EFHC1: variants seen among roughly 807,000 people sequenced by gnomAD.
The protein encoded by EFHC1 is EF-hand domain containing 1, also known as EF-hand domain-containing protein 1.
A neutral mutation model predicts 69.9 loss-of-function variants in EFHC1; 53 were observed. That is an observed-to-expected ratio of 0.76 (90% CI 0.61 to 0.95). The LOEUF (loss-of-function observed/expected upper bound fraction) is 0.95, where lower values mean the gene tolerates loss of function less well. Ranked by LOEUF, EFHC1 falls within the 40% of genes least tolerant of loss-of-function variation. The pLI is 0.00. For missense variants in EFHC1, 739 were observed against 798.7 expected (o/e 0.93, Z 0.90); for synonymous variants, 256 against 278.4 (o/e 0.92, Z 0.80).
At chr6:52,448,831 A>G (rs969863668) in intron 3 of EFHC1, among the ~76,000 whole-genome samples, 2 of 152,164 alleles carry the variant, frequency 1.3e-5, no homozygotes, top group Non-Finnish European at 2.9e-5. Flanking sequence ...TGATTTGTGT[A>G]TGTTGAACCA....
At chr6:52,440,526 A>G (rs982388700) in intron 3 of EFHC1, among the ~76,000 whole-genome samples, 6 of 152,070 alleles carry the variant, frequency 3.9e-5, no homozygotes, top group African/African-American at 1.4e-4. Flanking sequence ...TTCTTTTTCC[A>G]GTTTACCATT....
At chr6:52,426,400 G>A (rs1764301706) in intron 2 of EFHC1, among the ~76,000 whole-genome samples, 1 of 151,978 alleles carries the variant, frequency 6.6e-6, no homozygotes. Context: ...TTCTTTCTAT[G>A]TGGTTGCTTA....
At chr6:52,482,052 T>G (rs936498204) in intron 9 of EFHC1, 2 of 152,090 alleles carry the variant, frequency 1.3e-5, no homozygotes, top group Non-Finnish European at 2.9e-5. Context: ...CTTTAAAAAT[T>G]TTTGTCACTG....
intron 3 of EFHC1, among the ~76,000 whole-genome samples, chr6:52,450,746 C>CT (rs1276717034): frequency 1.3e-5 from 2 of 151,846 alleles, no homozygotes; most frequent in Non-Finnish European, 2.9e-5. Flanking sequence ...TTGGGTCTTC[C>CT]TTTTTTATCT....
intron 5 of EFHC1, among the ~76,000 whole-genome samples, chr6:52,456,594 G>A (rs1016550646): frequency 1.3e-5 from 2 of 152,128 alleles, no homozygotes; most frequent in African/African-American, 4.8e-5. Flanking sequence ...GAGGCAGCCT[G>A]GTGGCATATA....
intron 7 of EFHC1, among the ~76,000 whole-genome samples, chr6:52,473,304 A>G (rs1765477857): frequency 6.6e-6 from 1 of 152,208 alleles, no homozygotes; most frequent in South Asian, 2.1e-4. Flanking sequence ...ACAATCAGAT[A>G]TTCATGTAAC....
intron 1 of EFHC1, chr6:52,420,975 C>G: frequency 9.5e-7 from 1 of 1,049,952 alleles, no homozygotes; most frequent in Non-Finnish European, 1.2e-6. Context: ...CCACCTCTTC[C>G]TCTTCTGAAT....
intron 8 of EFHC1, 105 bp from the exon 9 acceptor site, chr6:52,479,535 A>G: frequency 1.3e-6 from 2 of 1,532,296 alleles, no homozygotes; most frequent in East Asian, 2.2e-5. Flanking sequence ...AGTTTCTGTC[A>G]TAAATGCATA....
At position 52,477,058 on chromosome 6, in the gene EFHC1, T is replaced by A. The variant is rs111532903; in HGVS notation, c.1279-1979T>A. On this transcript the variant is annotated intron_variant, in intron 7 of 10. Transcript: ENST00000371068. ...TTCCCAATAAAGACAATAATTTTTT[T>A]AAAGTTTTATAGTACTCTTTCCTGC... Among the ~76,000 whole-genome samples, 834 of 152,252 alleles carry A rather than the reference T, an allele frequency of 5.5e-3. 5 individuals are homozygous for A. The highest frequency in any genetic ancestry group is 0.019 in the African/African-American group (786 of 41,544).
chr6:52,435,521 A>G (rs529670336), intron 2 of EFHC1, among the ~76,000 whole-genome samples: 1 of 152,278 alleles, frequency 6.6e-6, no homozygotes, highest in South Asian at 2.1e-4. Context: ...TGAGATCACC[A>G]CTATATCGCC....
At chr6:52,452,569 T>A in intron 3 of EFHC1, 119 bp from the exon 4 acceptor site, 1 of 1,184,656 alleles carries the variant, frequency 8.4e-7, no homozygotes, top group African/African-American at 1.5e-5. Context: ...CCCAAAGTGC[T>A]GAGATTGTAG....
At chr6:52,466,528 C>T (rs1765310458) in intron 6 of EFHC1, among the ~76,000 whole-genome samples, 1 of 152,200 alleles carries the variant, frequency 6.6e-6, no homozygotes, top group Non-Finnish European at 1.5e-5. Flanking sequence ...TTCTCTGCCT[C>T]CCTCTACTAG....
At chr6:52,483,909 G>T (rs1259408654) in intron 9 of EFHC1, 3 of 152,274 alleles carry the variant, frequency 2.0e-5, no homozygotes, top group Non-Finnish European at 2.9e-5. Context: ...GAGAATGGGA[G>T]AGAGGAATTC....
chr6:52,484,334 G>C (rs560095896), intron 9 of EFHC1: 16 of 152,226 alleles, frequency 1.1e-4, no homozygotes, highest in South Asian at 2.1e-4. Flanking sequence ...ATTAGAAATT[G>C]TATCTGAAAA....
intron 3 of EFHC1, among the ~76,000 whole-genome samples, chr6:52,446,527 G>A (rs1264107930): frequency 6.6e-6 from 1 of 152,142 alleles, no homozygotes; most frequent in Non-Finnish European, 1.5e-5. Flanking sequence ...TTGCCAGTCT[G>A]TGTCTTTTAA....
chr6:52,422,928 G>A (rs1764221435), intron 1 of EFHC1, among the ~76,000 whole-genome samples: 1 of 152,136 alleles, frequency 6.6e-6, no homozygotes, highest in Admixed American at 6.5e-5. Flanking sequence ...GTTGCCACGT[G>A]ATCTCTAAAA....
chr6:52,485,595 C>T (rs1444610230), intron 9 of EFHC1: 2 of 152,174 alleles, frequency 1.3e-5, no homozygotes, highest in African/African-American at 4.8e-5. Context: ...TCATAAATAG[C>T]TTGGTGCCAT....
intron 3 of EFHC1, among the ~76,000 whole-genome samples, chr6:52,442,126 T>TC (rs1764678339): frequency 6.6e-6 from 1 of 152,132 alleles, no homozygotes; most frequent in African/African-American, 2.4e-5. Flanking sequence ...GGCCAAGACT[T>TC]CCAATATTGT....
At position 52,469,613 on chromosome 6, in the gene EFHC1, C is replaced by G. The variant is rs191128901; in HGVS notation, c.1278+140C>G. Reference sequence around the variant, plus strand: ...CCAACCATTGTATCTAGTACCCAGCCTTCAGGGAGGTTGGATAGTATTAAG... The same window carrying G: ...CCAACCATTGTATCTAGTACCCAGCGTTCAGGGAGGTTGGATAGTATTAAG... On this transcript the variant is annotated intron_variant, in intron 7 of 10. Coordinates refer to ENST00000371068, the MANE Select transcript of EFHC1 (RefSeq NM_018100.4). 33 of 1,238,812 alleles carry G rather than the reference C, an allele frequency of 2.7e-5. 1 individual carries two copies. In the Admixed American group the frequency reaches 5.2e-4, roughly 20 times the overall value. The allele number at this position is 1,238,812 out of a possible 1,614,324, so 76.7% of individuals were successfully genotyped here.
Sources: allele counts gnomAD v4.1 joint callset (sites outside exome capture counted in the v4.1 genomes callset), GRCh38; gene constraint gnomAD v4.1.1; transcripts MANE v1.5; gene names NCBI Gene and HGNC (gene_info 2026-07-23, HGNC 2026-07-21).